Variants in JAK1 observed in about 807,000 individuals in gnomAD.
JAK1 encodes the protein tyrosine-protein kinase JAK1.
JAK1 carries 16 observed loss-of-function variants against 136.6 expected under a neutral mutation model. The ratio of observed to expected loss-of-function variants is 0.12; its 90% confidence interval spans 0.08 to 0.18. JAK1 has a LOEUF of 0.18. Among genes scored for constraint, JAK1 ranks in the 10% least tolerant of loss-of-function variants. The probability of loss-of-function intolerance (pLI) is 1.00; values close to 1 mark genes in which losing one functional copy is unlikely to be tolerated. For synonymous variants in JAK1, 492 were observed against 519.5 expected, an observed-to-expected ratio of 0.95 and a Z score of 0.72; for missense variants, 859 against 1,450.1, an observed-to-expected ratio of 0.59 and a Z score of 6.62.
chr1:64,959,719 C>T (rs1414195599), intron 1 of JAK1, among the ~76,000 whole-genome samples: 1 of 152,166 alleles, frequency 6.6e-6, no homozygotes, highest in African/African-American at 2.4e-5. Flanking sequence ...ACCTAATTTA[C>T]CTAGCACCTT....
At chr1:64,928,788 A>AAC (rs1553170008) in intron 1 of JAK1, among the ~76,000 whole-genome samples, 1 of 90,614 alleles carries the variant, frequency 1.1e-5, no homozygotes, top group African/African-American at 4.7e-5. Context: ...CAAAAAAAAA[A>AAC]AAAAAAAACA....
chr1:64,869,201 A>G, intron 6 of JAK1, 110 bp downstream of exon 6: 2 of 917,340 alleles, frequency 2.2e-6, no homozygotes, highest in Non-Finnish European at 3.4e-6. Context: ...TGGGTTTCAT[A>G]GAGAGCAAAG....
At chr1:65,063,638 T>C (rs995800990) in intron 1 of JAK1, among the ~76,000 whole-genome samples, 3 of 151,824 alleles carry the variant, frequency 2.0e-5, no homozygotes, top group African/African-American at 7.3e-5. Context: ...ACCCCATCTC[T>C]ACTAAAAATA....
intron 1 of JAK1, among the ~76,000 whole-genome samples, chr1:65,050,361 T>C (rs540747183): frequency 2.0e-5 from 3 of 152,324 alleles, no homozygotes; most frequent in Non-Finnish European, 4.4e-5. Flanking sequence ...CTAGGCAGGA[T>C]GTCAGGAAAA....
At chr1:64,892,594 G>C (rs887330121) in intron 1 of JAK1, among the ~76,000 whole-genome samples, 3 of 152,156 alleles carry the variant, frequency 2.0e-5, no homozygotes, top group African/African-American at 7.2e-5. Flanking sequence ...CACAATATGT[G>C]CTTTTTAATC....
upstream of JAK1, among the ~76,000 whole-genome samples, chr1:64,968,051 GT>G (rs1432207704): frequency 6.6e-6 from 1 of 152,178 alleles, no homozygotes; most frequent in Non-Finnish European, 1.5e-5. Flanking sequence ...AGTGGTAGGG[GT>G]TTTTATTGAG....
At chr1:64,922,868 G>A (rs555995695) in intron 1 of JAK1, among the ~76,000 whole-genome samples, 3 of 152,186 alleles carry the variant, frequency 2.0e-5, no homozygotes, top group South Asian at 4.1e-4. Context: ...AGCTCTGTGT[G>A]GTCCTGGACA....
intron 1 of JAK1, among the ~76,000 whole-genome samples, chr1:64,928,146 G>C (rs903805012): frequency 1.3e-5 from 2 of 152,154 alleles, no homozygotes; most frequent in African/African-American, 4.8e-5. Flanking sequence ...CCCTGAAACA[G>C]CCGCTTGGGG....
rs760531101 is a variant in JAK1, at chr1:64,844,893, C to A, written c.2116-4G>T. ...CATGGACCAGGTCTTTATCCTCCTG[C>A]AGAGTAAAAAGGTCAAGTTTAGCCA... On this transcript the variant is annotated splice_region_variant and splice_polypyrimidine_tract_variant and intron_variant, in intron 15 of 24. Coordinates refer to ENST00000342505, the MANE Select transcript of JAK1 (RefSeq NM_002227.4). This position sits in a 1 kb window ranked among gnomAD's most constrained non-coding sequence, Gnocchi z 5.7. The A allele has an allele frequency of 2.1e-5, 34 of 1,614,168 alleles. No individual in the cohort carries two copies. Among genetic ancestry groups the A allele is most frequent in the Non-Finnish European group, 2.9e-5 (34 of 1,180,034 alleles).
At chr1:64,917,588 T>G (rs2100342263) in intron 1 of JAK1, among the ~76,000 whole-genome samples, 1 of 152,234 alleles carries the variant, frequency 6.6e-6, no homozygotes, top group South Asian at 2.1e-4. Flanking sequence ...GCATTGAGGG[T>G]AGAATGCCTG....
intron 2 of JAK1, among the ~76,000 whole-genome samples, chr1:65,011,100 A>G (rs1021855427): frequency 4.6e-5 from 7 of 152,228 alleles, no homozygotes; most frequent in Non-Finnish European, 1.0e-4. Context: ...TTAGTAGACC[A>G]AAAGCATTCA....
intron 1 of JAK1, among the ~76,000 whole-genome samples, chr1:64,961,419 T>C (rs1364949701): frequency 6.6e-6 from 1 of 152,186 alleles, no homozygotes; most frequent in Non-Finnish European, 1.5e-5. Context: ...TTGCTAACGA[T>C]GTTATTCTTG....
At chr1:65,055,843 A>G (rs975815275) in intron 1 of JAK1, among the ~76,000 whole-genome samples, 7 of 152,182 alleles carry the variant, frequency 4.6e-5, no homozygotes, top group Admixed American at 3.9e-4. Context: ...GTGCAGGGTG[A>G]CTGCAAATGA....
chr1:64,940,492 T>C (rs1645870292), intron 1 of JAK1, among the ~76,000 whole-genome samples: 1 of 152,026 alleles, frequency 6.6e-6, no homozygotes. Flanking sequence ...AATTTTTGTA[T>C]TTTTAGTAGA....
rs201145555 is a variant in JAK1, at chr1:64,994,619, CT to C, written c.-78+49860del. ...GGCGGAGCTCTCTTGACCCAAACAC[CT>C]CTGATTAGGCTCCATTTCCCAACAC... is the stretch of plus-strand genomic sequence containing the variant. On this transcript the variant is annotated intron_variant, in intron 2 of 25. Coordinates refer to the JAK1 transcript ENST00000671954. Among the ~76,000 whole-genome samples, 153 of 152,282 alleles carry C rather than the reference CT, an allele frequency of 1.0e-3. No individual in the cohort carries two copies. In the East Asian group the frequency reaches 0.029, roughly 29 times the overall value.
At chr1:64,919,519 T>C (rs1000320377) in intron 1 of JAK1, among the ~76,000 whole-genome samples, 4 of 152,214 alleles carry the variant, frequency 2.6e-5, no homozygotes, top group African/African-American at 9.7e-5. Context: ...TATATTCCTT[T>C]GGGTATATAC....
intron 2 of JAK1, 63 bp from the exon 3 acceptor site, chr1:64,883,538 A>T: frequency 7.0e-7 from 1 of 1,418,956 alleles, no homozygotes; most frequent in South Asian, 1.2e-5. Context: ...TTATGGCAAA[A>T]GGGAGTGTTC....
At chr1:65,052,632 T>G (rs1024444101) in intron 1 of JAK1, among the ~76,000 whole-genome samples, 2 of 151,646 alleles carry the variant, frequency 1.3e-5, no homozygotes, top group Non-Finnish European at 2.9e-5. Context: ...GCTAACACGA[T>G]GAAATCCCAT....
intron 1 of JAK1, among the ~76,000 whole-genome samples, chr1:64,888,029 G>A (rs1162478841): frequency 6.6e-6 from 1 of 152,160 alleles, no homozygotes; most frequent in East Asian, 1.9e-4. Flanking sequence ...GACCAGAGGG[G>A]AGTACTGAAA....
Sources: allele counts gnomAD v4.1 joint callset (sites outside exome capture counted in the v4.1 genomes callset), GRCh38; gene constraint gnomAD v4.1.1; non-coding constraint Gnocchi (gnomAD v3.1); transcripts MANE v1.5; gene names NCBI Gene and HGNC (gene_info 2026-07-23, HGNC 2026-07-21).